The following IDH3B variants were observed in gnomAD, a reference collection of about 807,000 sequenced individuals.
The protein encoded by IDH3B is isocitrate dehydrogenase (NAD(+)) 3 non-catalytic subunit beta, also known as isocitrate dehydrogenase [NAD] subunit beta, mitochondrial.
Under a neutral mutation model 47.5 loss-of-function variants are expected in IDH3B, and 40 were observed. The ratio of observed to expected loss-of-function variants is 0.84; its 90% CI spans 0.65 to 1.10. IDH3B has a LOEUF of 1.10. Among genes scored for constraint, IDH3B ranks in the 50% least tolerant of loss-of-function variants. The pLI is 0.00. For synonymous variants in IDH3B, 185 were observed against 191.0 expected, an observed-to-expected ratio of 0.97 and a Z score of 0.26; for missense variants, 450 against 505.2, an observed-to-expected ratio of 0.89 and a Z score of 1.05.
Position 2,658,975 on chromosome 20 carries a change from G to A in IDH3B, c.1072-138C>T, listed in dbSNP as rs112503066. The A allele has an allele frequency of 3.6e-4, 496 of 1,362,654 alleles. 1 individual carries two copies. The African/African-American group carries it at 8.6e-3, about 24-fold the overall frequency. 84.4% of individuals were successfully genotyped at this position (1,362,654 alleles called of 1,614,324 possible). On this transcript the variant is annotated intron_variant, in intron 11 of 11. Coordinates refer to ENST00000380843, the MANE Select transcript of IDH3B (RefSeq NM_006899.5). ...AAGGCAATGCACAGGAATGGAAGGAGGAGCCAGGATGGGAAGCACATGGAC... is the reference window on the plus strand; with the variant it reads ...AAGGCAATGCACAGGAATGGAAGGAAGAGCCAGGATGGGAAGCACATGGAC...
intron 11 of IDH3B, 30 bp from the exon 12 acceptor site, chr20:2,658,867 G>C (rs184685144): frequency 6.2e-7 from 1 of 1,613,762 alleles, no homozygotes; most frequent in Non-Finnish European, 8.5e-7. Flanking sequence ...CAGCCGTGGG[G>C]AGGGAGAAAA....
rs781163599 is a variant in IDH3B at position 2,658,780 on chromosome 20, T to C, written c.1129A>G (p.Ile377Val). ...STTTDFIKSVIGHLQTKGS is the reference protein window; with the variant it reads ...STTTDFIKSVVGHLQTKGS ...CTCCCTTTAGTCTGCAGGTGACCGA[T>C]GACAGACTTGATGAAGTCGGTTGTG... Residue 377 changes from isoleucine to valine, a missense_variant, in exon 12 of 12, where the codon ATC becomes GTC. Ile to Val is a conservative substitution (Grantham distance 29). Coordinates refer to ENST00000380843, the MANE Select transcript of IDH3B (RefSeq NM_006899.5). The C allele has an allele frequency of 5.6e-6, 9 of 1,614,210 alleles. No individual in the cohort carries two copies. In the South Asian group the frequency reaches 6.6e-5, roughly 12 times the overall value.
Position 2,658,612 on chromosome 20 carries a change from C to A in IDH3B, c.*139G>T. ...CCAACAGTCTGTCCCCTAAGGAAGC[C>A]GGCCCAAGGACAACCTAGGCTCTAC... On this transcript the variant is annotated 3_prime_UTR_variant, in exon 12 of 12. Transcript: ENST00000380843. 2 of 1,612,766 alleles carry A rather than the reference C, an allele frequency of 1.2e-6. No homozygotes were observed. Among genetic ancestry groups the A allele is most frequent in the East Asian group, 2.2e-5 (1 of 44,862 alleles).
chr20:2,662,930 C>A (rs1215001732), intron 4 of IDH3B, among the ~76,000 whole-genome samples: 1 of 152,160 alleles, frequency 6.6e-6, no homozygotes, highest in Non-Finnish European at 1.5e-5. Context: ...GCACTCCAGC[C>A]TGGGCGACAG....
chr20:2,658,850 C>A lies in IDH3B; in HGVS notation c.1072-13G>T. The A allele has an allele frequency of 3.7e-6, 6 of 1,614,048 alleles. No individual in the cohort carries two copies. Among genetic ancestry groups the A allele is most frequent in the South Asian group, 1.1e-5 (1 of 91,082 alleles). On this transcript the variant is annotated splice_polypyrimidine_tract_variant and intron_variant, in intron 11 of 11. Transcript: ENST00000380843. ...CTCGAGTCCGCACCTACAGCCACCA[C>A]CGGCAACAGCCGTGGGGAGGGAGAA... is the stretch of plus-strand genomic sequence containing the variant.
Position 2,659,842 on chromosome 20 carries a change from T to C in IDH3B, c.916-49A>G, listed in dbSNP as rs6115368. On this transcript the variant is annotated intron_variant, in intron 9 of 11. Transcript: ENST00000380843. Reference sequence around the variant, plus strand: ...ACACTGGGAGGAGGCAGGAGGGGTATGCAGAGGCTTAGGTTGGAAAAGGAC... The same window carrying C: ...ACACTGGGAGGAGGCAGGAGGGGTACGCAGAGGCTTAGGTTGGAAAAGGAC... 0.098 allele frequency: 146,324 copies of C among 1,490,686 alleles called. 8,904 individuals are homozygous for C. The highest frequency in any genetic ancestry group is 0.23 in the East Asian group (10,244 of 44,274). The allele number at this position is 1,490,686 out of a possible 1,614,324, so 92.3% of individuals were successfully genotyped here.
At chr20:2,663,635 C>A in intron 3 of IDH3B, 25 bp downstream of exon 3, 1 of 1,614,188 alleles carries the variant, frequency 6.2e-7, no homozygotes, top group South Asian at 1.1e-5. Flanking sequence ...CTGTCCTCTA[C>A]TGTCTGATCC....
At position 2,663,488 on chromosome 20, in the gene IDH3B, G is replaced by C. The variant is rs1194938197; in HGVS notation, c.295C>G (p.Gln99Glu). 6.2e-7 allele frequency: 1 copy of C among 1,614,180 alleles called. No homozygotes were observed. The highest frequency in any genetic ancestry group is 1.1e-5 in the South Asian group (1 of 91,086). The change falls in exon 4 of 12, where the codon CAG (glutamine) becomes GAG (glutamate). Residue 99 changes from glutamine (Q) to glutamate (E), a missense_variant. Transcript: ENST00000380843. ...QNMASEEKLEQVLSSMKENKV... is the reference protein window; with the variant it reads ...QNMASEEKLEEVLSSMKENKV... ...TTCTCCTTCATGGAACTCAGCACCT[G>C]CTCCAGCTTCTCCTCAGATGCCATA...
rs1390023518 is a variant in IDH3B at position 2,660,517 on chromosome 20, A to C, written c.605T>G (p.Phe202Cys). 1 of 1,614,028 alleles carries C rather than the reference A, an allele frequency of 6.2e-7. No homozygotes were observed. Among genetic ancestry groups the C allele is most frequent in the African/African-American group, 1.3e-5 (1 of 74,904 alleles). The change falls in exon 7 of 12, where the codon TTT (phenylalanine) becomes TGT (cysteine). Residue 202 changes from phenylalanine (F) to cysteine (C), a missense_variant. Physicochemically the swap from Phe to Cys is radical, Grantham distance 205. Coordinates refer to ENST00000380843, the MANE Select transcript of IDH3B (RefSeq NM_006899.5). This position sits in a 1 kb window ranked among gnomAD's most constrained non-coding sequence, Gnocchi z 5.6. ...AKSQRIAKFA[F>C]DYATKKGRGK... The stretch of plus-strand genomic sequence containing the variant: ...CCGCCCCTTCTTGGTGGCATAGTCA[A>C]AGGCGAACTTTGCAATCCGCTGAGA...
rs772220875 is a variant in IDH3B at position 2,660,953 on chromosome 20, C to T, written c.354G>A (p.Pro118=). 1.6e-5 allele frequency: 26 copies of T among 1,613,984 alleles called. No individual in the cohort carries two copies. Among genetic ancestry groups the T allele is most frequent in the Non-Finnish European group, 1.9e-5 (23 of 1,179,912 alleles). ...KVAIIGKIHT[P]MEYKGELASY... Reference sequence around the variant, plus strand: ...AGGCTAGCTCCCCCTTATACTCCATCGGGGTATGAATCTTTCCTGTGAAAA... The same window carrying T: ...AGGCTAGCTCCCCCTTATACTCCATTGGGGTATGAATCTTTCCTGTGAAAA... The change falls in exon 5 of 12, where the codon CCG becomes CCA. Residue 118 remains proline (P), a synonymous_variant. Transcript: ENST00000380843. The surrounding 1 kb of genome is among the most constrained non-coding windows in gnomAD (Gnocchi z 5.6).
At chr20:2,659,443 AGGTT>A in intron 11 of IDH3B, 78 bp downstream of exon 11, 2 of 1,536,552 alleles carry the variant, frequency 1.3e-6, no homozygotes, top group Non-Finnish European at 1.8e-6. Flanking sequence ...ACCCCCATTC[AGGTT>A]CCCCAGAGGG....
chr20:2,658,662 G>C lies in IDH3B; in HGVS notation c.*89C>G. ...CCCAGCAAGGTGACCATGGTCCACT[G>C]CTTAGAGGCACAAGGTCTCTTCCCT... is the stretch of plus-strand genomic sequence containing the variant. On this transcript the variant is annotated 3_prime_UTR_variant, in exon 12 of 12. Coordinates refer to ENST00000380843, the MANE Select transcript of IDH3B (RefSeq NM_006899.5). The C allele has an allele frequency of 6.2e-7, 1 of 1,613,794 alleles. No homozygotes were observed. The highest frequency in any genetic ancestry group is 8.5e-7 in the Non-Finnish European group (1 of 1,179,742).
At chr20:2,659,869 T>C in intron 9 of IDH3B, 76 bp from the exon 10 acceptor site, 1 of 1,435,328 alleles carries the variant, frequency 7.0e-7, no homozygotes, top group South Asian at 1.1e-5. Context: ...GAAAAGGACA[T>C]TATGGGAGGG....
chr20:2,660,157 T>C lies in IDH3B; in HGVS notation c.788A>G (p.Gln263Arg), dbSNP rs763344876. 4.3e-6 allele frequency: 7 copies of C among 1,614,030 alleles called. No individual in the cohort carries two copies. Among genetic ancestry groups the C allele is most frequent in the Admixed American group, 1.7e-5 (1 of 60,008 alleles). The part of the protein sequence containing the change: ...CCMQLVQNPY[Q>R]FDVLVMPNLY... ...ATTGGGCATCACAAGCACATCAAAC[T>C]GGTAAGGATTCTGCACCAGCTAGAG... Residue 263 changes from glutamine (Q) to arginine (R), a missense_variant, in exon 9 of 12, where the codon CAG becomes CGG. Gln to Arg is a conservative substitution (Grantham distance 43). Transcript: ENST00000380843. The surrounding 1 kb of genome is among the most constrained non-coding windows in gnomAD (Gnocchi z 5.6).
chr20:2,663,986 T>G lies in IDH3B; in HGVS notation c.56A>C (p.Asn19Thr). 1 of 1,614,104 alleles carries G rather than the reference T, an allele frequency of 6.2e-7. No individual in the cohort carries two copies. The highest frequency in any genetic ancestry group is 8.5e-7 in the Non-Finnish European group (1 of 1,180,018). ...WLTRALVSAG[N>T]PGAWRGLSTS... ...ACTCAGACCTCTCCATGCCCCAGGG[T>G]TCCCGGCGGAGACCAGCGCCTGCAA... is the stretch of plus-strand genomic sequence containing the variant. The change falls in exon 2 of 12, where the codon AAC becomes ACC. Residue 19 changes from asparagine (N) to threonine (T), a missense_variant. By Grantham distance (65) the Asn-to-Thr change is moderately conservative. Transcript: ENST00000380843.
At position 2,660,414 on chromosome 20, in the gene IDH3B, T is replaced by C. The variant is rs1160237294; in HGVS notation, c.665+43A>G. 4.3e-6 allele frequency: 7 copies of C among 1,614,004 alleles called. No individual in the cohort carries two copies. Among genetic ancestry groups the C allele is most frequent in the South Asian group, 1.1e-5 (1 of 91,076 alleles). On this transcript the variant is annotated intron_variant, in intron 7 of 11. Transcript: ENST00000380843. The surrounding 1 kb of genome is among the most constrained non-coding windows in gnomAD (Gnocchi z 5.6). ...GAATCAGCCAAGAAAGTACAGGGGC[T>C]ACCTTCCCAGGAACCCATCCTACAC...
chr20:2,659,127 A>G (rs2086886241), intron 11 of IDH3B: 5 of 1,201,520 alleles, frequency 4.2e-6, no homozygotes, highest in Non-Finnish European at 4.1e-6. Context: ...GAAGAAATAG[A>G]GACAAGACCA....
Position 2,663,449 on chromosome 20 carries a change from T to C in IDH3B, c.334A>G (p.Ile112Val). Residue 112 changes from isoleucine to valine, a missense_variant, in exon 4 of 12, where the codon ATT becomes GTT. Ile to Val is a conservative substitution (Grantham distance 29, BLOSUM62 3). Transcript: ENST00000380843. ...AGTGGCAAGAGGGCACACATACCAATGATGGCCACTTTGTTCTCCTTCATG... is the reference window on the plus strand; with the variant it reads ...AGTGGCAAGAGGGCACACATACCAACGATGGCCACTTTGTTCTCCTTCATG... ...SSMKENKVAIIGKIHTPMEYK... is the reference protein window; with the variant it reads ...SSMKENKVAIVGKIHTPMEYK... The C allele has an allele frequency of 6.2e-7, 1 of 1,614,242 alleles. No homozygotes were observed. The highest frequency in any genetic ancestry group is 8.5e-7 in the Non-Finnish European group (1 of 1,180,036).
Position 2,663,566 on chromosome 20 carries a change from C to G in IDH3B, c.217G>C (p.Ala73Pro), listed in dbSNP as rs1217783596. The G allele has an allele frequency of 1.2e-6, 2 of 1,614,178 alleles. No individual in the cohort carries two copies. The highest frequency in any genetic ancestry group is 1.7e-6 in the Non-Finnish European group (2 of 1,180,044). Reference protein sequence around the residue: ...LMHAVKEVFKAAAVPVEFQEH... With the variant: ...LMHAVKEVFKPAAVPVEFQEH... ...TGGAACTCCACTGGGACAGCGGCAG[C>G]CTTCAGAGACAGGTTCCCAAAACAT... The change falls in exon 4 of 12, where the codon GCT becomes CCT. Residue 73 changes from alanine (A) to proline (P), a missense_variant and splice_region_variant. By Grantham distance (27) the Ala-to-Pro change is conservative. Transcript: ENST00000380843.
Sources: allele counts gnomAD v4.1 joint callset (sites outside exome capture counted in the v4.1 genomes callset), GRCh38; gene constraint gnomAD v4.1.1; non-coding constraint Gnocchi (gnomAD v3.1); transcripts MANE v1.5; gene names NCBI Gene and HGNC (gene_info 2026-07-23, HGNC 2026-07-21).